The following DNAH10 variants were observed in gnomAD, a reference collection of about 807,000 sequenced individuals.
DNAH10 encodes axonemal beta dynein heavy chain 10.
Under a neutral mutation model 506.6 loss-of-function variants are expected in DNAH10, and 348 were observed. The ratio of observed to expected loss-of-function variants is 0.69; its 90% CI spans 0.63 to 0.75. The LOEUF (loss-of-function observed/expected upper bound fraction) is 0.75, where lower values mean the gene tolerates loss of function less well. Ranked by LOEUF, DNAH10 falls within the 30% of genes least tolerant of loss-of-function variation. The pLI is 0.00. For missense variants in DNAH10, 5,179 were observed against 5,787.1 expected, an observed-to-expected ratio of 0.89 and a Z score of 3.41; for synonymous variants, 2,059 against 2,198.6, an observed-to-expected ratio of 0.94 and a Z score of 1.78.
At chr12:123,798,056 C>A (rs1027466720) in intron 13 of DNAH10, among the ~76,000 whole-genome samples, 1 of 152,160 alleles carries the variant, frequency 6.6e-6, no homozygotes, top group African/African-American at 2.4e-5. Flanking sequence ...TCTTGAGTTA[C>A]AAAGCATTAT....
In DNAH10 at chr12:123,928,582, C is replaced by G; in HGVS notation, c.12301C>G (p.Leu4101Val). ...GFPIGILQKSLKVVTEPPNGL... is the reference protein window; with the variant it reads ...GFPIGILQKSVKVVTEPPNGL... ...CCCCATTGGGATTCTGCAGAAGTCC[C>G]TAAAGGTCTGGCTTCAGGATGGACA... is the stretch of plus-strand genomic sequence containing the variant. Residue 4101 changes from leucine (L) to valine (V), a missense_variant, in exon 70 of 79, where the codon CTA becomes GTA. By Grantham distance (32) the Leu-to-Val change is conservative. Transcript: ENST00000673944. This position sits in a 1 kb window ranked among gnomAD's most constrained non-coding sequence, Gnocchi z 4.9. The G allele has an allele frequency of 2.5e-6, 4 of 1,598,072 alleles. No homozygotes were observed. The highest frequency in any genetic ancestry group is 2.6e-6 in the Non-Finnish European group (3 of 1,172,346).
At position 123,814,040 on chromosome 12, in the gene DNAH10, G is replaced by T. The variant is rs1460878736; in HGVS notation, c.3780+128G>T. The T allele has an allele frequency of 1.9e-5, 16 of 851,326 alleles. No homozygotes were observed. The East Asian group carries it at 2.0e-4, about 11-fold the overall frequency. 52.7% of individuals were successfully genotyped at this position (851,326 alleles called of 1,614,324 possible). ...AATAAGTGACTTTAAGTAATACATTGTAAATGTAAAGCAATGCCACTGTTA... is the reference window on the plus strand; with the variant it reads ...AATAAGTGACTTTAAGTAATACATTTTAAATGTAAAGCAATGCCACTGTTA... On this transcript the variant is annotated intron_variant, in intron 21 of 78. Transcript: ENST00000673944.
At chr12:123,867,769 C>A in intron 42 of DNAH10, 134 bp from the exon 43 acceptor site, 2 of 1,317,630 alleles carry the variant, frequency 1.5e-6, no homozygotes, top group East Asian at 2.5e-5. Flanking sequence ...ATACTGGGTT[C>A]CATCTGTCTG....
intron 26 of DNAH10, among the ~76,000 whole-genome samples, chr12:123,832,177 C>T (rs1448070223): frequency 6.6e-6 from 1 of 152,028 alleles, no homozygotes; most frequent in South Asian, 2.1e-4. Flanking sequence ...TACAGTGTAC[C>T]TAATATACAC....
chr12:123,930,408 T>A lies in DNAH10; in HGVS notation c.12619T>A (p.Tyr4207Asn). ...SLKYLIGEVM[Y>N]GGRAIDSFDR... ...TCAGGCCCTCTAATTTCAGGTCATG[T>A]ATGGAGGACGGGCCATCGACAGCTT... Residue 4207 changes from tyrosine to asparagine, a missense_variant, in exon 73 of 79, where the codon TAT becomes AAT. Around this residue, in one of 3 missense-constraint regions of DNAH10, gnomAD observed 4,844 missense variants for 5,430.5 expected, o/e 0.89. Transcript: ENST00000673944. The A allele has an allele frequency of 6.4e-7, 1 of 1,574,462 alleles. No individual in the cohort carries two copies. Among genetic ancestry groups the A allele is most frequent in the Non-Finnish European group, 8.6e-7 (1 of 1,164,476 alleles).
intron 36 of DNAH10, 55 bp from the exon 37 acceptor site, chr12:123,857,001 A>G: frequency 3.3e-6 from 5 of 1,516,760 alleles, no homozygotes; most frequent in Non-Finnish European, 3.6e-6. Flanking sequence ...AACACAGTCC[A>G]AAGCACTGGG....
intron 41 of DNAH10, 31 bp from the exon 42 acceptor site, chr12:123,867,436 T>G (rs770902667): frequency 1.4e-5 from 22 of 1,599,756 alleles, no homozygotes; most frequent in Middle Eastern, 3.3e-4. Context: ...AACAAACCCT[T>G]GAAATGCTTT....
intron 69 of DNAH10, chr12:123,927,770 G>A (rs1461201656): frequency 6.6e-6 from 1 of 152,642 alleles, no homozygotes; most frequent in African/African-American, 2.4e-5. Flanking sequence ...AAAGCCCCTG[G>A]GTGAGATGAG....
intron 5 of DNAH10, among the ~76,000 whole-genome samples, chr12:123,779,838 CATAAAA>C (rs1957577642): frequency 6.6e-6 from 1 of 151,990 alleles, no homozygotes. Flanking sequence ...TTCAAAGAGT[CATAAAA>C]AGATGTATCA....
chr12:123,933,953 G>A, intron 77 of DNAH10: 1 of 470,064 alleles, frequency 2.1e-6, no homozygotes, highest in Non-Finnish European at 3.8e-6. Context: ...GTTACTGACT[G>A]TGCAAATGAG....
chr12:123,838,586 C>T lies in DNAH10; in HGVS notation c.5033C>T (p.Ser1678Leu), dbSNP rs1387399038. Residue 1678 changes from serine to leucine, a missense_variant, in exon 29 of 79, where the codon TCG becomes TTG. By Grantham distance (145) the Ser-to-Leu change is moderately radical. Around this residue, in one of 3 missense-constraint regions of DNAH10, gnomAD observed 4,844 missense variants for 5,430.5 expected, o/e 0.89. Transcript: ENST00000673944. Reference protein sequence around the residue: ...CQKSLNDYLDSKRNAFPRFFF... With the variant: ...CQKSLNDYLDLKRNAFPRFFF... ...AAAAGCCTCAACGACTACTTAGATTCGAAGAGAAATGCTTTCCCAAGGTTC... is the reference window on the plus strand; with the variant it reads ...AAAAGCCTCAACGACTACTTAGATTTGAAGAGAAATGCTTTCCCAAGGTTC... 1.7e-5 allele frequency: 27 copies of T among 1,613,880 alleles called. No homozygotes were observed. Among genetic ancestry groups the T allele is most frequent in the East Asian group, 1.6e-4 (7 of 44,888 alleles).
intron 37 of DNAH10, among the ~76,000 whole-genome samples, chr12:123,857,965 G>C (rs1951463446): frequency 6.6e-6 from 1 of 152,064 alleles, no homozygotes; most frequent in African/African-American, 2.4e-5. Context: ...TGTAATTTTT[G>C]TCCTTTTGTG....
rs114139057 is a variant in DNAH10 at position 123,890,661 on chromosome 12, G to A, written c.8996-2572G>A. Among the ~76,000 whole-genome samples the A allele has an allele frequency of 8.2e-3, 1,253 of 152,240 alleles. 11 individuals are homozygous for A. Among genetic ancestry groups the A allele is most frequent in the African/African-American group, 0.028 (1,178 of 41,542 alleles). On this transcript the variant is annotated intron_variant, in intron 52 of 78. Coordinates refer to ENST00000673944, the MANE Select transcript of DNAH10 (RefSeq NM_001372106.1). Reference sequence around the variant, plus strand: ...AGAGGGGAACAGGAGTGGGAGAGGGGCATCCAGTTTGGAGCTACCCCTGCA... The same window carrying A: ...AGAGGGGAACAGGAGTGGGAGAGGGACATCCAGTTTGGAGCTACCCCTGCA...
chr12:123,792,197 A>G (rs762432671), intron 11 of DNAH10, among the ~76,000 whole-genome samples: 9 of 152,212 alleles, frequency 5.9e-5, no homozygotes, highest in African/African-American at 1.9e-4. Flanking sequence ...TGGGAAGACC[A>G]TCATAACTAC....
chr12:123,835,352 C>T, intron 27 of DNAH10, 54 bp from the exon 28 acceptor site: 1 of 1,593,684 alleles, frequency 6.3e-7, no homozygotes, highest in Non-Finnish European at 8.5e-7. Context: ...TTGCCATCCA[C>T]TTTTGGAGGT....
chr12:123,778,673 G>T (rs577591526), intron 5 of DNAH10, among the ~76,000 whole-genome samples: 1 of 151,794 alleles, frequency 6.6e-6, no homozygotes, highest in South Asian at 2.1e-4. Flanking sequence ...TCCAGCCTGG[G>T]TGACAGAAAG....
In DNAH10 at chr12:123,928,052, G is replaced by C; in HGVS notation, c.12106-335G>C. 1 of 402,628 alleles carries C rather than the reference G, an allele frequency of 2.5e-6. No homozygotes were observed. The highest frequency in any genetic ancestry group is 4.1e-5 in the Admixed American group (1 of 24,410). The allele number at this position is 402,628 out of a possible 1,614,324, so 24.9% of individuals were successfully genotyped here. A position where few individuals can be genotyped will look rare whatever the true frequency, so the allele number is the denominator to read the frequency against. ...AGTCCCGACTTCCTGGTGGGCTTTA[G>C]CTGGTCTCTTGCAGCCCTGCTCAGG... On this transcript the variant is annotated intron_variant, in intron 69 of 78. Coordinates refer to ENST00000673944, the MANE Select transcript of DNAH10 (RefSeq NM_001372106.1). This position sits in a 1 kb window ranked among gnomAD's most constrained non-coding sequence, Gnocchi z 4.9.
At chr12:123,848,607 C>T (rs917079565) in intron 33 of DNAH10, 123 bp from the exon 34 acceptor site, 1 of 1,363,396 alleles carries the variant, frequency 7.3e-7, no homozygotes, top group Non-Finnish European at 9.9e-7. Flanking sequence ...TGGCTGGTCA[C>T]CTGCTTCTCT....
chr12:123,846,625 G>A lies in DNAH10; in HGVS notation c.5814+471G>A, dbSNP rs1250976613. ...AGGCAGAGCTTGGGAAGGTTTGCAA[G>A]CAACCCCCAAGACTGTTTGTCAGAT... On this transcript the variant is annotated intron_variant, in intron 32 of 78. Transcript: ENST00000673944. The surrounding 1 kb of genome is among the most constrained non-coding windows in gnomAD (Gnocchi z 4.5). 6.6e-6 allele frequency among the ~76,000 whole-genome samples: 1 copy of A among 152,174 alleles called. No homozygotes were observed. Among genetic ancestry groups the A allele is most frequent in the African/African-American group, 2.4e-5 (1 of 41,430 alleles).
Sources: allele counts gnomAD v4.1 joint callset (sites outside exome capture counted in the v4.1 genomes callset), GRCh38; gene constraint gnomAD v4.1.1; regional missense constraint gnomAD v4.1.1; non-coding constraint Gnocchi (gnomAD v3.1); transcripts MANE v1.5; gene names NCBI Gene and HGNC (gene_info 2026-07-23, HGNC 2026-07-21).